The following XXYLT1 variants were observed in gnomAD, a reference collection of about 807,000 sequenced individuals.
XXYLT1 encodes xyloside xylosyltransferase 1, also known as UDP-xylose:alpha-xyloside alpha-1,3-xylosyltransferase.
XXYLT1 carries 20 observed loss-of-function variants against 28.9 expected under a neutral mutation model. That is an observed-to-expected ratio of 0.69 (90% CI 0.49 to 1.00). The LOEUF (loss-of-function observed/expected upper bound fraction) is 1.00. Among genes scored for constraint, XXYLT1 ranks in the 50% least tolerant of loss-of-function variants. The pLI is 0.00. For missense variants in XXYLT1, 542 were observed against 560.1 expected (o/e 0.97, Z 0.33); for synonymous variants, 257 against 253.8 (o/e 1.01, Z -0.12).
chr3:195,106,609 C>T (rs1379039509), intron 3 of XXYLT1, among the ~76,000 whole-genome samples: 3 of 152,188 alleles, frequency 2.0e-5, no homozygotes, highest in Non-Finnish European at 4.4e-5. Context: ...GCCGGCGAGG[C>T]GCGGAACTGC....
chr3:195,204,449 C>T (rs917741385), intron 2 of XXYLT1, among the ~76,000 whole-genome samples: 5 of 151,492 alleles, frequency 3.3e-5, no homozygotes, highest in East Asian at 1.9e-4. Context: ...CTGACACACA[C>T]ACGCACACAC....
chr3:195,163,932 G>A (rs1205171327), intron 2 of XXYLT1, among the ~76,000 whole-genome samples: 1 of 152,254 alleles, frequency 6.6e-6, no homozygotes, highest in Non-Finnish European at 1.5e-5. Context: ...TTCCTGCAAT[G>A]AGGCAGACTG....
intron 1 of XXYLT1, among the ~76,000 whole-genome samples, chr3:195,262,198 C>G (rs1377620441): frequency 6.6e-6 from 1 of 152,094 alleles, no homozygotes; most frequent in Non-Finnish European, 1.5e-5. Flanking sequence ...CAACATGAAC[C>G]CTAAAAACAC....
intron 3 of XXYLT1, among the ~76,000 whole-genome samples, chr3:195,143,843 GATATAT>G (rs72344936): frequency 0.25 from 22,195 of 89,362 alleles, 4,021 homozygotes; most frequent in Non-Finnish European, 0.32. Flanking sequence ...TATAGATATA[GATATAT>G]ATATAGATAT....
chr3:195,212,678 T>G (rs909801607), intron 2 of XXYLT1, among the ~76,000 whole-genome samples: 1 of 152,196 alleles, frequency 6.6e-6, no homozygotes, highest in Admixed American at 6.5e-5. Flanking sequence ...TGCATGCTCC[T>G]TATGAGACTC....
chr3:195,253,687 C>T (rs1338497251), intron 1 of XXYLT1, among the ~76,000 whole-genome samples: 3 of 151,824 alleles, frequency 2.0e-5, no homozygotes, highest in Admixed American at 1.3e-4. Context: ...TTAGTAGAGA[C>T]GGGGTTTCAC....
intron 3 of XXYLT1, among the ~76,000 whole-genome samples, chr3:195,093,587 G>C (rs969666721): frequency 1.3e-5 from 2 of 150,356 alleles, no homozygotes; most frequent in Non-Finnish European, 3.0e-5. Flanking sequence ...GCTAGATGAC[G>C]AGTTAGTGGG....
intron 2 of XXYLT1, among the ~76,000 whole-genome samples, chr3:195,221,386 C>T (rs1272391325): frequency 6.6e-6 from 1 of 152,256 alleles, no homozygotes. Context: ...AGCAGCCCAG[C>T]AAACATCTCT....
chr3:195,124,330 C>G lies in XXYLT1; in HGVS notation c.785+32119G>C, dbSNP rs1718508542. Among the ~76,000 whole-genome samples, 2 of 152,152 alleles carry G rather than the reference C, an allele frequency of 1.3e-5. No individual in the cohort carries two copies. Among genetic ancestry groups the G allele is most frequent in the African/African-American group, 4.8e-5 (2 of 41,430 alleles). On this transcript the variant is annotated intron_variant, in intron 3 of 3. Coordinates refer to ENST00000310380, the MANE Select transcript of XXYLT1 (RefSeq NM_152531.5). This position sits in a 1 kb window ranked among gnomAD's most constrained non-coding sequence, Gnocchi z 4.1. ...TGACAAGGTTTTCTACAGGAACTGA[C>G]CAGATGGTTGGGGGCTGGACTGAGA...
intron 3 of XXYLT1, among the ~76,000 whole-genome samples, chr3:195,153,083 G>A (rs1263039456): frequency 6.6e-6 from 1 of 152,188 alleles, no homozygotes; most frequent in Admixed American, 6.5e-5. Flanking sequence ...GGCCGAGACC[G>A]CCTGCTCAAG....
At chr3:195,111,738 G>C (rs1270033910) in intron 3 of XXYLT1, among the ~76,000 whole-genome samples, 4 of 152,186 alleles carry the variant, frequency 2.6e-5, no homozygotes, top group Admixed American at 2.6e-4. Context: ...AACGTGGTAA[G>C]ATTAACAGAC....
At chr3:195,110,651 T>C (rs866824121) in intron 3 of XXYLT1, among the ~76,000 whole-genome samples, 56 of 104,148 alleles carry the variant, frequency 5.4e-4, no homozygotes, top group Admixed American at 9.3e-4. Flanking sequence ...TATAAGTGTG[T>C]GTGGTGTGTT....
At chr3:195,098,728 ATT>A (rs1716599206) in intron 3 of XXYLT1, among the ~76,000 whole-genome samples, 2 of 152,118 alleles carry the variant, frequency 1.3e-5, no homozygotes. Flanking sequence ...GAAGAAAGTG[ATT>A]TTTTTCCTAT....
intron 3 of XXYLT1, chr3:195,094,040 C>G (rs1333169078): frequency 6.4e-6 from 1 of 156,480 alleles, no homozygotes; most frequent in African/African-American, 2.4e-5. Flanking sequence ...CCTCCTCCTC[C>G]TCCTCTTCCT....
At chr3:195,248,721 C>T (rs1213496951) in intron 1 of XXYLT1, among the ~76,000 whole-genome samples, 1 of 152,126 alleles carries the variant, frequency 6.6e-6, no homozygotes. Context: ...AGTTTGAGAC[C>T]AGCCTGGCCA....
At chr3:195,194,990 C>G (rs772009506) in intron 2 of XXYLT1, among the ~76,000 whole-genome samples, 4 of 152,044 alleles carry the variant, frequency 2.6e-5, no homozygotes, top group Non-Finnish European at 5.9e-5. Flanking sequence ...GTCGTGGTTA[C>G]ATAAACCTAT....
At position 195,257,684 on chromosome 3, in the gene XXYLT1, ACT is replaced by A. The variant is rs1725531550; in HGVS notation, c.504+12869_504+12870del. On this transcript the variant is annotated intron_variant, in intron 1 of 3. Coordinates refer to ENST00000310380, the MANE Select transcript of XXYLT1 (RefSeq NM_152531.5). The surrounding 1 kb of genome is among the most constrained non-coding windows in gnomAD (Gnocchi z 4.3). The stretch of plus-strand genomic sequence containing the variant: ...CGCTCCAGAGTCCTGGCTACTGCTG[ACT>A]CTCTGCCAACCCAGAGAGCCACACA... Among the ~76,000 whole-genome samples the A allele has an allele frequency of 6.6e-6, 1 of 150,506 alleles. No homozygotes were observed. The highest frequency in any genetic ancestry group is 6.6e-5 in the Admixed American group (1 of 15,140).
chr3:195,143,879 T>TAGATATAGATATAG (rs1719682845), intron 3 of XXYLT1, among the ~76,000 whole-genome samples: 1 of 128,806 alleles, frequency 7.8e-6, no homozygotes, highest in Non-Finnish European at 1.6e-5. Flanking sequence ...TAGATATATA[T>TAGATATAGATATAG]ATATATATAT....
In XXYLT1 at chr3:195,224,655, C is replaced by G. The variant is rs138758053; in HGVS notation, c.652+2054G>C. Among the ~76,000 whole-genome samples the G allele has an allele frequency of 7.2e-3, 1,095 of 152,288 alleles. 9 individuals carry two copies. The highest frequency in any genetic ancestry group is 0.025 in the African/African-American group (1,035 of 41,554). On this transcript the variant is annotated intron_variant, in intron 2 of 3. Transcript: ENST00000310380. The stretch of plus-strand genomic sequence containing the variant: ...GAGTTGAGCACGCAATGGGCAGGAA[C>G]CTGACAGCTGACAGAGGGAAAGAGG...
Sources: allele counts gnomAD v4.1 joint callset (sites outside exome capture counted in the v4.1 genomes callset), GRCh38; gene constraint gnomAD v4.1.1; non-coding constraint Gnocchi (gnomAD v3.1); transcripts MANE v1.5; gene names NCBI Gene and HGNC (gene_info 2026-07-23, HGNC 2026-07-21).